RNGTT: variants seen among roughly 807,000 people sequenced by gnomAD.
The protein encoded by RNGTT is mRNA-capping enzyme.
RNGTT carries 33 observed loss-of-function variants against 79.3 expected under a neutral mutation model. That is an observed-to-expected ratio of 0.42 (90% CI 0.32 to 0.56). The LOEUF is 0.56. Ranked by LOEUF, RNGTT falls within the 20% of genes least tolerant of loss-of-function variation. The pLI, the probability that RNGTT is intolerant of heterozygous loss-of-function variation, is 0.17. For synonymous variants in RNGTT, 222 were observed against 235.9 expected (o/e 0.94, Z 0.54); for missense variants, 497 against 739.1 (o/e 0.67, Z 3.80).
intron 2 of RNGTT, among the ~76,000 whole-genome samples, chr6:88,930,160 A>ATATACATATACATATATGTATATACATG (rs1784469361): frequency 6.8e-6 from 1 of 148,004 alleles, no homozygotes; most frequent in Non-Finnish European, 1.5e-5. Flanking sequence ...GTACATACAT[A>ATATACATATACATATATGTATATACATG]TATACATATA....
chr6:88,699,347 T>C (rs532030468), intron 13 of RNGTT, among the ~76,000 whole-genome samples: 1 of 152,322 alleles, frequency 6.6e-6, no homozygotes, highest in Admixed American at 6.5e-5. Flanking sequence ...ATGTTCACTG[T>C]AGCATTATTC....
chr6:88,612,625 A>C lies in RNGTT; in HGVS notation c.*94T>G. 1 of 1,303,122 alleles carries C rather than the reference A, an allele frequency of 7.7e-7. No individual in the cohort carries two copies. The allele number at this position is 1,303,122 out of a possible 1,614,324, so 80.7% of individuals were successfully genotyped here. ...TTCAAATGTGTATCAACATCAAGCC[A>C]CAGTCGTTTTTCAATTTCTCTGGCT... On this transcript the variant is annotated 3_prime_UTR_variant, in exon 16 of 16. Coordinates refer to ENST00000369485, the MANE Select transcript of RNGTT (RefSeq NM_003800.5).
At chr6:88,761,109 T>C (rs1053123437) in intron 13 of RNGTT, among the ~76,000 whole-genome samples, 6 of 151,328 alleles carry the variant, frequency 4.0e-5, no homozygotes, top group Admixed American at 3.3e-4. Context: ...AAGGAGACCA[T>C]GCAGTCAATT....
At chr6:88,908,350 C>T (rs932368041) in intron 4 of RNGTT, among the ~76,000 whole-genome samples, 2 of 152,038 alleles carry the variant, frequency 1.3e-5, no homozygotes, top group East Asian at 1.9e-4. Context: ...AGCTGAAAAA[C>T]GCCTCTTCCA....
At chr6:88,721,271 A>G (rs1776701127) in intron 13 of RNGTT, among the ~76,000 whole-genome samples, 2 of 152,070 alleles carry the variant, frequency 1.3e-5, no homozygotes, top group South Asian at 4.1e-4. Context: ...TTGGTGGGCA[A>G]TTGTACTGAT....
rs547732413 is a variant in RNGTT at position 88,611,091 on chromosome 6, C to T, written c.*1628G>A. On this transcript the variant is annotated 3_prime_UTR_variant, in exon 16 of 16. Transcript: ENST00000369485. ...ACTCTAGTAAAAAACGTTACAATGG[C>T]GTTTTGGATAAATTCACTATACATT... 6.6e-6 allele frequency: 1 copy of T among 152,096 alleles called. No homozygotes were observed. Among genetic ancestry groups the T allele is most frequent in the Non-Finnish European group, 1.5e-5 (1 of 68,028 alleles). The allele number at this position is 152,096 out of a possible 1,614,324, so 9.4% of individuals were successfully genotyped here. A position where few individuals can be genotyped will look rare whatever the true frequency, so the allele number is the denominator to read the frequency against.
intron 13 of RNGTT, among the ~76,000 whole-genome samples, chr6:88,741,800 C>G (rs1777501371): frequency 6.6e-6 from 1 of 152,068 alleles, no homozygotes; most frequent in Non-Finnish European, 1.5e-5. Context: ...GCAGACTTTT[C>G]CTTTTCATGG....
At position 88,692,917 on chromosome 6, in the gene RNGTT, A is replaced by C. The variant is rs11968458; in HGVS notation, c.1440-14498T>G. On this transcript the variant is annotated intron_variant, in intron 13 of 15. Transcript: ENST00000369485. ...AAGTCTGCAAATAATTCTAAATAAA[A>C]AGGGCAATCAAAAAATTACCTTGAG... 7.5e-3 allele frequency among the ~76,000 whole-genome samples: 1,138 copies of C among 152,132 alleles called. 45 individuals are homozygous for C. Among genetic ancestry groups the C allele is most frequent in the Admixed American group, 0.063 (969 of 15,260 alleles).
Position 88,963,472 on chromosome 6 carries a change from C to G in RNGTT, c.-63G>C. Reference sequence around the variant, plus strand: ...GTTCACCGCGCCTTTGGAGCCGCCTCCCCGTGGTCCGGTGCACACCGGGGT... The same window carrying G: ...GTTCACCGCGCCTTTGGAGCCGCCTGCCCGTGGTCCGGTGCACACCGGGGT... On this transcript the variant is annotated 5_prime_UTR_variant, in exon 1 of 16. Transcript: ENST00000369485. 3 of 1,474,312 alleles carry G rather than the reference C, an allele frequency of 2.0e-6. No homozygotes were observed. Among genetic ancestry groups the G allele is most frequent in the Non-Finnish European group, 2.7e-6 (3 of 1,101,578 alleles). 91.3% of individuals were successfully genotyped at this position (1,474,312 alleles called of 1,614,324 possible).
At chr6:88,693,372 C>T (rs1286612150) in intron 13 of RNGTT, among the ~76,000 whole-genome samples, 2 of 151,792 alleles carry the variant, frequency 1.3e-5, no homozygotes, top group Non-Finnish European at 2.9e-5. Context: ...ATAGAAGAAA[C>T]GGGTAAATTC....
At chr6:88,961,537 A>G (rs905821645) in intron 1 of RNGTT, among the ~76,000 whole-genome samples, 10 of 152,134 alleles carry the variant, frequency 6.6e-5, no homozygotes, top group Admixed American at 2.0e-4. Context: ...CCTGGGTTCA[A>G]GTGATTCCCC....
At chr6:88,644,760 T>A (rs1343558742) in intron 14 of RNGTT, among the ~76,000 whole-genome samples, 1 of 152,242 alleles carries the variant, frequency 6.6e-6, no homozygotes, top group Non-Finnish European at 1.5e-5. Flanking sequence ...ACCACATGAT[T>A]ATCTCAATAG....
In RNGTT at chr6:88,843,657, C is replaced by A. The variant is rs558157238; in HGVS notation, c.1269+700G>T. 8.1e-5 allele frequency among the ~76,000 whole-genome samples: 11 copies of A among 136,102 alleles called. No individual in the cohort carries two copies. In the East Asian group the frequency reaches 2.4e-3, roughly 30 times the overall value. The allele number at this position is 136,102 out of a possible 152,430, so 89.3% of individuals were successfully genotyped here. ...CACTGCAACCTCCACCTTCTGAGTT[C>A]AAGCGATTCTCCTGCCTCAGCCTCC... On this transcript the variant is annotated intron_variant, in intron 11 of 15. Transcript: ENST00000369485.
At position 88,839,504 on chromosome 6, in the gene RNGTT, A is replaced by G. The variant is rs547051560; in HGVS notation, c.1269+4853T>C. 2.8e-3 allele frequency among the ~76,000 whole-genome samples: 432 copies of G among 152,304 alleles called. 1 individual carries two copies. Among genetic ancestry groups the G allele is most frequent in the African/African-American group, 9.6e-3 (401 of 41,564 alleles). On this transcript the variant is annotated intron_variant, in intron 11 of 15. Coordinates refer to ENST00000369485, the MANE Select transcript of RNGTT (RefSeq NM_003800.5). The stretch of plus-strand genomic sequence containing the variant: ...AGGATTGTTTGAGTCTGGGAGGTCA[A>G]GGATGCAGGGAGCCATGATCGCACC...
At chr6:88,854,564 T>C (rs1312362877) in intron 8 of RNGTT, among the ~76,000 whole-genome samples, 1 of 152,240 alleles carries the variant, frequency 6.6e-6, no homozygotes, top group African/African-American at 2.4e-5. Context: ...CTTTCTACCA[T>C]ACCTGTTAGC....
chr6:88,766,536 G>T (rs1335155569), intron 13 of RNGTT, among the ~76,000 whole-genome samples: 1 of 152,046 alleles, frequency 6.6e-6, no homozygotes, highest in Non-Finnish European at 1.5e-5. Flanking sequence ...ATAAATCAAT[G>T]TTAATATATC....
intron 13 of RNGTT, among the ~76,000 whole-genome samples, chr6:88,729,185 T>TA (rs1777023797): frequency 1.3e-5 from 2 of 152,118 alleles, no homozygotes; most frequent in Non-Finnish European, 2.9e-5. Context: ...GCAGGAAACT[T>TA]AGAGTTCCTT....
chr6:88,851,159 G>A (rs909303920), intron 9 of RNGTT, among the ~76,000 whole-genome samples: 1 of 149,860 alleles, frequency 6.7e-6, no homozygotes, highest in Non-Finnish European at 1.5e-5. Context: ...TTCATAGTAT[G>A]TAAATTGTAT....
chr6:88,757,624 G>C (rs1291484487), intron 13 of RNGTT, among the ~76,000 whole-genome samples: 3 of 152,016 alleles, frequency 2.0e-5, no homozygotes, highest in Non-Finnish European at 4.4e-5. Context: ...GAAATATCCA[G>C]AAAAGACAAC....
Sources: gnomAD v4.1 joint callset for allele counts (sites outside exome capture counted in the v4.1 genomes callset) on GRCh38, gnomAD v4.1.1 for gene constraint, MANE v1.5 for transcripts, NCBI Gene and HGNC (gene_info 2026-07-23, HGNC 2026-07-21) for gene names.